The following BICD1 variants were observed in gnomAD, a reference collection of about 807,000 sequenced individuals.
The protein encoded by BICD1 is BICD cargo adaptor 1, also known as protein bicaudal D homolog 1.
A neutral mutation model predicts 92.5 loss-of-function variants in BICD1; 35 were observed. That is an observed-to-expected ratio of 0.38 (90% CI 0.29 to 0.50). BICD1 has a LOEUF of 0.50. Among genes scored for constraint, BICD1 ranks in the 20% least tolerant of loss-of-function variants. The pLI is 0.93. For missense variants in BICD1, 950 were observed against 1,189.8 expected, an observed-to-expected ratio of 0.80 and a Z score of 2.97; for synonymous variants, 429 against 465.1, an observed-to-expected ratio of 0.92 and a Z score of 1.00.
chr12:32,361,248 C>A (rs1448945470), intron 8 of BICD1, among the ~76,000 whole-genome samples: 1 of 152,098 alleles, frequency 6.6e-6, no homozygotes. Context: ...GGGAAATTGA[C>A]ATCACGTCTT....
rs535617274 is a variant in BICD1, at chr12:32,293,881, C to A, written c.427-113C>A. On this transcript the variant is annotated intron_variant, in intron 2 of 9. Transcript: ENST00000652176. The stretch of plus-strand genomic sequence containing the variant: ...ATTGCCATTCGAAAAAATGCAGTAA[C>A]AATTTACACCCCATGAGGTGTTTTT... 3,629 of 1,110,480 alleles carry A rather than the reference C, an allele frequency of 3.3e-3. 9 individuals are homozygous for A. Among genetic ancestry groups the A allele is most frequent in the Non-Finnish European group, 4.3e-3 (3,407 of 797,906 alleles). The allele number at this position is 1,110,480 out of a possible 1,614,324, so 68.8% of individuals were successfully genotyped here.
At position 32,106,964 on chromosome 12, in the gene BICD1, G is replaced by A. The variant is rs1251213235; in HGVS notation, c.-368G>A. On this transcript the variant is annotated 5_prime_UTR_variant, in exon 1 of 10. An upstream start codon of the reference 5' UTR is lost. Transcript: ENST00000652176. ...TGCAGTGACGCGGCCCGGGAGACAT[G>A]GCGGACGGGCGTCTCTGAATAAGCA... is the stretch of plus-strand genomic sequence containing the variant. 1.7e-5 allele frequency: 4 copies of A among 237,086 alleles called. No individual in the cohort carries two copies. The East Asian group carries it at 4.5e-4, about 27-fold the overall frequency. 14.7% of individuals were successfully genotyped at this position (237,086 alleles called of 1,614,324 possible).
intron 1 of BICD1, among the ~76,000 whole-genome samples, chr12:32,154,363 T>C (rs1943377084): frequency 6.6e-6 from 1 of 152,206 alleles, no homozygotes; most frequent in East Asian, 1.9e-4. Context: ...TAAGAATCAC[T>C]GCTCTGGTTT....
chr12:32,216,514 C>T (rs537485447), intron 2 of BICD1, 55 bp downstream of exon 2: 2 of 1,551,394 alleles, frequency 1.3e-6, no homozygotes, highest in East Asian at 2.3e-5. Flanking sequence ...TAAGAAAGTT[C>T]TCTCCATAGC....
At chr12:32,130,160 T>C (rs1336748138) in intron 1 of BICD1, among the ~76,000 whole-genome samples, 1 of 152,178 alleles carries the variant, frequency 6.6e-6, no homozygotes, top group Non-Finnish European at 1.5e-5. Flanking sequence ...TTACTTTTTT[T>C]CCCATTAATT....
At chr12:32,228,353 A>G (rs772815230) in intron 2 of BICD1, among the ~76,000 whole-genome samples, 6 of 151,836 alleles carry the variant, frequency 4.0e-5, no homozygotes, top group Non-Finnish European at 5.9e-5. Context: ...GTGTAGGTCT[A>G]TTTCTGGAAT....
intron 2 of BICD1, among the ~76,000 whole-genome samples, chr12:32,269,146 AT>A (rs202063761): frequency 2.3e-4 from 34 of 149,532 alleles, no homozygotes; most frequent in Admixed American, 5.3e-4. Context: ...CAGCTGCATT[AT>A]TTTTTTTTTA....
chr12:32,329,661 T>A (rs1440415515), intron 5 of BICD1, among the ~76,000 whole-genome samples: 1 of 152,182 alleles, frequency 6.6e-6, no homozygotes, highest in South Asian at 2.1e-4. Context: ...AAATTTAGGT[T>A]CATTTGGGAT....
intron 4 of BICD1, 117 bp downstream of exon 4, chr12:32,306,239 CTCTTT>C (rs1948213167): frequency 2.7e-6 from 3 of 1,116,262 alleles, no homozygotes; most frequent in Non-Finnish European, 3.7e-6. Context: ...TTCTTTTCTT[CTCTTT>C]TCTTTTCTGT....
At chr12:32,250,395 A>T (rs1946495418) in intron 2 of BICD1, among the ~76,000 whole-genome samples, 2 of 152,208 alleles carry the variant, frequency 1.3e-5, no homozygotes, top group African/African-American at 4.8e-5. Flanking sequence ...CATACTGCTC[A>T]TTAAACATTG....
intron 2 of BICD1, among the ~76,000 whole-genome samples, chr12:32,256,458 C>G (rs1946723349): frequency 1.3e-5 from 2 of 152,226 alleles, no homozygotes; most frequent in South Asian, 4.1e-4. Context: ...AGGAGGTCAA[C>G]TCACCTGCCA....
At chr12:32,250,230 G>A (rs326646) in intron 2 of BICD1, among the ~76,000 whole-genome samples, 64,909 of 151,940 alleles carry the variant, frequency 0.43, 14,096 homozygotes, top group Non-Finnish European at 0.47. Context: ...TTCCGTTCCA[G>A]TCTGGGTCTC....
chr12:32,351,563 C>T (rs1592710329), intron 8 of BICD1, among the ~76,000 whole-genome samples: 1 of 93,242 alleles, frequency 1.1e-5, no homozygotes, highest in Non-Finnish European at 2.1e-5. Context: ...TATGAAAATA[C>T]ATAATTTATT....
chr12:32,249,448 G>A (rs1262849249), intron 2 of BICD1, among the ~76,000 whole-genome samples: 1 of 152,114 alleles, frequency 6.6e-6, no homozygotes, highest in Admixed American at 6.6e-5. Context: ...GTCTTTCCTT[G>A]TCTCTTTTCC....
chr12:32,129,324 G>C (rs1271500974), intron 1 of BICD1, among the ~76,000 whole-genome samples: 5 of 151,198 alleles, frequency 3.3e-5, no homozygotes, highest in Non-Finnish European at 7.4e-5. Context: ...AGGAGTTGGA[G>C]ACCAGCCTGG....
chr12:32,177,600 G>A (rs146044546), intron 1 of BICD1, among the ~76,000 whole-genome samples: 96 of 143,914 alleles, frequency 6.7e-4, no homozygotes, highest in Non-Finnish European at 6.5e-4. Context: ...CCATGGTTTC[G>A]TGGCTGGAGT....
chr12:32,287,531 G>GTTTTTTTT (rs576396740), intron 2 of BICD1, among the ~76,000 whole-genome samples: 6 of 120,236 alleles, frequency 5.0e-5, no homozygotes, highest in East Asian at 2.2e-4. Flanking sequence ...GCTGGGTGGT[G>GTTTTTTTT]TTTTTTTTTT....
intron 2 of BICD1, among the ~76,000 whole-genome samples, chr12:32,248,903 C>A (rs143913590): frequency 6.6e-6 from 1 of 152,190 alleles, no homozygotes; most frequent in Non-Finnish European, 1.5e-5. Context: ...CCTTCCAGTG[C>A]GCATGTGGGC....
At chr12:32,264,653 A>G (rs927339874) in intron 2 of BICD1, among the ~76,000 whole-genome samples, 12 of 151,744 alleles carry the variant, frequency 7.9e-5, no homozygotes, top group African/African-American at 1.2e-4. Flanking sequence ...ACACCCTCCT[A>G]ATTTTTGTAT....
Sources: gnomAD v4.1 joint callset for allele counts (sites outside exome capture counted in the v4.1 genomes callset) on GRCh38, gnomAD v4.1.1 for gene constraint, MANE v1.5 for transcripts, NCBI Gene and HGNC (gene_info 2026-07-23, HGNC 2026-07-21) for gene names.